The following CBX3 variants were observed in gnomAD, a reference collection of about 807,000 sequenced individuals.
The protein encoded by CBX3 is chromobox protein homolog 3.
CBX3 carries 5 observed loss-of-function variants against 22.6 expected under a neutral mutation model. The ratio of observed to expected loss-of-function variants is 0.22; its 90% CI spans 0.12 to 0.47. The LOEUF (loss-of-function observed/expected upper bound fraction) is 0.47, where lower values mean the gene tolerates loss of function less well. CBX3 is among the 20% of genes least tolerant of loss of function. The pLI is 0.99. For missense variants in CBX3, 83 were observed against 208.1 expected, an observed-to-expected ratio of 0.40 and a Z score of 3.70; for synonymous variants, 50 against 66.6, an observed-to-expected ratio of 0.75 and a Z score of 1.21.
In CBX3 at chr7:26,212,142, A is replaced by G. The variant is rs776205408; in HGVS notation, c.486A>G (p.Gln162=). The change falls in exon 6 of 6, where the codon CAA becomes CAG. Residue 162 remains glutamine (Q), a synonymous_variant. Transcript: ENST00000396386. ...AAGAGGCAAATATGAAGTGTCCTCA[A>G]ATTGTAATTGCTTTTTATGAAGAGA... ...LAKEANMKCP[Q]IVIAFYEERL... 2 of 1,575,804 alleles carry G rather than the reference A, an allele frequency of 1.3e-6. No homozygotes were observed. The highest frequency in any genetic ancestry group is 1.7e-6 in the Non-Finnish European group (2 of 1,162,236).
chr7:26,210,840 T>C (rs1327067324), intron 4 of CBX3, among the ~76,000 whole-genome samples: 2 of 151,990 alleles, frequency 1.3e-5, no homozygotes, highest in Non-Finnish European at 2.9e-5. Flanking sequence ...TTGGTGGAGG[T>C]ATATGAAGAC....
At chr7:26,208,212 A>T in intron 3 of CBX3, 181 bp from the exon 4 acceptor site, 1 of 457,542 alleles carries the variant, frequency 2.2e-6, no homozygotes, top group Admixed American at 3.3e-5. Context: ...ACAAAGCAAG[A>T]CCCTGTCTCT....
chr7:26,211,557 C>G (rs762735113), intron 4 of CBX3, 105 bp from the exon 5 acceptor site: 1 of 630,846 alleles, frequency 1.6e-6, no homozygotes, highest in Non-Finnish European at 2.7e-6. Context: ...TGGGTTCTTG[C>G]TCTAGTCATT....
upstream of CBX3, chr7:26,201,718 C>T (rs1345725800): frequency 1.3e-5 from 2 of 155,028 alleles, no homozygotes; most frequent in Non-Finnish European, 1.4e-5. Flanking sequence ...CCCGGCGGCC[C>T]CGCGCGCAGC....
chr7:26,208,690 G>A (rs1436275390), intron 4 of CBX3, 135 bp downstream of exon 4: 5 of 735,528 alleles, frequency 6.8e-6, no homozygotes, highest in Non-Finnish European at 1.1e-5. Context: ...GCATGATCTT[G>A]GTCACTGCAA....
intron 2 of CBX3, among the ~76,000 whole-genome samples, chr7:26,204,149 C>T (rs1051601105): frequency 1.7e-4 from 26 of 151,726 alleles, no homozygotes; most frequent in African/African-American, 6.0e-4. Context: ...CAAATATATA[C>T]TATAAAAGAA....
chr7:26,210,825 T>A (rs1209231452), intron 4 of CBX3, among the ~76,000 whole-genome samples: 1 of 152,096 alleles, frequency 6.6e-6, no homozygotes, highest in Admixed American at 6.6e-5. Flanking sequence ...CTGTGGCGGA[T>A]CATTTTGGTG....
intron 2 of CBX3, among the ~76,000 whole-genome samples, chr7:26,204,273 C>T (rs916091316): frequency 6.7e-6 from 1 of 149,994 alleles, no homozygotes; most frequent in Non-Finnish European, 1.5e-5. Context: ...TTTTCATTTT[C>T]TGTATTTATT....
chr7:26,211,652 T>A lies in CBX3; in HGVS notation c.331-10T>A, dbSNP rs1370843059. On this transcript the variant is annotated splice_polypyrimidine_tract_variant and intron_variant, in intron 4 of 5. Coordinates refer to ENST00000396386, the MANE Select transcript of CBX3 (RefSeq NM_016587.4). Reference sequence around the variant, plus strand: ...TGAGTTTGCTGTATGAAAAAATGTCTTCTAAACAGGCTGACAAACCAAGAG... The same window carrying A: ...TGAGTTTGCTGTATGAAAAAATGTCATCTAAACAGGCTGACAAACCAAGAG... The A allele has an allele frequency of 6.3e-7, 1 of 1,579,274 alleles. No individual in the cohort carries two copies. Among genetic ancestry groups the A allele is most frequent in the Admixed American group, 1.8e-5 (1 of 56,208 alleles).
At chr7:26,203,072 T>A in intron 2 of CBX3, 50 bp downstream of exon 2, 1 of 1,218,436 alleles carries the variant, frequency 8.2e-7, no homozygotes, top group Non-Finnish European at 1.2e-6. Flanking sequence ...CAAGTTTTTT[T>A]TCCCCACAGT....
At chr7:26,202,153 C>T (rs962369645) in intron 1 of CBX3, 5 of 152,106 alleles carry the variant, frequency 3.3e-5, no homozygotes, top group Non-Finnish European at 5.9e-5. Context: ...CCAGCCGCCA[C>T]GCGGGGCTGG....
intron 3 of CBX3, 28 bp from the exon 4 acceptor site, chr7:26,208,365 T>G (rs1046489323): frequency 2.4e-6 from 1 of 420,444 alleles, no homozygotes; most frequent in Admixed American, 5.3e-5. Context: ...TTCAATCACC[T>G]TTTTTTTTTT....
At position 26,213,036 on chromosome 7, in the gene CBX3, A is replaced by G. The variant is rs1343861881; in HGVS notation, c.*828A>G. 2 of 152,308 alleles carry G rather than the reference A, an allele frequency of 1.3e-5. No homozygotes were observed. The highest frequency in any genetic ancestry group is 4.8e-5 in the African/African-American group (2 of 41,484). The allele number at this position is 152,308 out of a possible 1,614,324, so 9.4% of individuals were successfully genotyped here. On this transcript the variant is annotated 3_prime_UTR_variant, in exon 6 of 6. Transcript: ENST00000396386. ...TGTTGGAATCCCTGTTGCTACATTG[A>G]CTAAAAGGTCATGATGAATGGAATA... is the stretch of plus-strand genomic sequence containing the variant.
chr7:26,202,348 G>A (rs1784523411), intron 1 of CBX3: 1 of 152,350 alleles, frequency 6.6e-6, no homozygotes, highest in Admixed American at 6.5e-5. Context: ...TCTCCCCGCG[G>A]ATGCGCTGAC....
At chr7:26,211,132 A>G (rs1046945623) in intron 4 of CBX3, among the ~76,000 whole-genome samples, 1 of 152,044 alleles carries the variant, frequency 6.6e-6, no homozygotes, top group African/African-American at 2.4e-5. Context: ...AAGAAAGTTT[A>G]CAAATTTGTG....
intron 2 of CBX3, chr7:26,206,116 A>T (rs1784669846): frequency 8.3e-6 from 3 of 361,566 alleles, no homozygotes; most frequent in Non-Finnish European, 1.0e-5. Context: ...GGAAAAAAAT[A>T]ACTGTTTCCA....
intron 2 of CBX3, 100 bp downstream of exon 2, chr7:26,203,122 A>C (rs1296768904): frequency 4.7e-6 from 4 of 851,900 alleles, no homozygotes; most frequent in South Asian, 1.4e-5. Flanking sequence ...TTACATCCAC[A>C]TATTTCCCAG....
chr7:26,205,804 G>A (rs1784663245), intron 2 of CBX3, among the ~76,000 whole-genome samples: 1 of 152,124 alleles, frequency 6.6e-6, no homozygotes, highest in Non-Finnish European at 1.5e-5. Flanking sequence ...AAGACTACAG[G>A]GCCGGGCGCA....
intron 1 of CBX3, 168 bp from the exon 2 acceptor site, chr7:26,202,803 T>G (rs1784579277): frequency 8.0e-6 from 5 of 624,414 alleles, no homozygotes; most frequent in South Asian, 7.5e-5. Flanking sequence ...GGACACGTAC[T>G]TAAGTACATC....
Sources: gnomAD v4.1 joint callset for allele counts (sites outside exome capture counted in the v4.1 genomes callset) on GRCh38, gnomAD v4.1.1 for gene constraint, MANE v1.5 for transcripts, NCBI Gene and HGNC (gene_info 2026-07-23, HGNC 2026-07-21) for gene names.